SLC66A2: variants seen among roughly 807,000 people sequenced by gnomAD.
SLC66A2 encodes the protein PQ loop repeat containing 1.
In SLC66A2, 23 loss-of-function variants were observed where a neutral mutation model predicts 25.5. The observed-to-expected ratio is 0.90, with a 90% CI of 0.65 to 1.28. The LOEUF is 1.28. Among genes scored for constraint, SLC66A2 ranks in the 50% most tolerant of loss-of-function variants. The pLI, the probability that SLC66A2 is intolerant of heterozygous loss-of-function variation, is 0.00. For missense variants in SLC66A2, 396 were observed against 373.1 expected (o/e 1.06, Z -0.51); for synonymous variants, 193 against 166.5 (o/e 1.16, Z -1.23).
At chr18:79,930,560 CAT>C (rs1986467356) in intron 4 of SLC66A2, among the ~76,000 whole-genome samples, 2 of 152,320 alleles carry the variant, frequency 1.3e-5, no homozygotes, top group South Asian at 2.1e-4. Context: ...ATATCGGTCA[CAT>C]GTCTTCTCCT....
Position 79,902,477 on chromosome 18 carries a change from T to C in SLC66A2, c.*1499A>G, listed in dbSNP as rs1346651883. Reference sequence around the variant, plus strand: ...TCGCCACACAGGGTACATTCAGCAGTCACTGCGCCTGCAGTCGGCGACAGT... The same window carrying C: ...TCGCCACACAGGGTACATTCAGCAGCCACTGCGCCTGCAGTCGGCGACAGT... On this transcript the variant is annotated 3_prime_UTR_variant, in exon 6 of 6. Coordinates refer to ENST00000397778, the MANE Select transcript of SLC66A2 (RefSeq NM_025078.5). The C allele has an allele frequency of 6.6e-6, 1 of 152,260 alleles. No homozygotes were observed. The highest frequency in any genetic ancestry group is 6.5e-5 in the Admixed American group (1 of 15,284). 9.4% of individuals were successfully genotyped at this position (152,260 alleles called of 1,614,324 possible). A position where few individuals can be genotyped will look rare whatever the true frequency, so the allele number is the denominator to read the frequency against.
chr18:79,907,336 T>TTA (rs1982267271), intron 5 of SLC66A2, among the ~76,000 whole-genome samples: 1 of 135,478 alleles, frequency 7.4e-6, no homozygotes, highest in Non-Finnish European at 1.5e-5. Context: ...TTTGTATAGT[T>TTA]TTTTTTTTTT....
intron 4 of SLC66A2, among the ~76,000 whole-genome samples, chr18:79,924,600 ATCTC>A (rs991870703): frequency 6.6e-6 from 1 of 152,198 alleles, no homozygotes; most frequent in African/African-American, 2.4e-5. Context: ...TGTAAATTAT[ATCTC>A]TAATTTGAAT....
At chr18:79,946,722 CT>C (rs1359130493) in intron 2 of SLC66A2, among the ~76,000 whole-genome samples, 2 of 152,316 alleles carry the variant, frequency 1.3e-5, no homozygotes, top group East Asian at 1.9e-4. Flanking sequence ...AATCCCAGCA[CT>C]TTGGGAGGCC....
intron 5 of SLC66A2, among the ~76,000 whole-genome samples, chr18:79,908,802 T>C (rs920628043): frequency 3.3e-5 from 5 of 152,256 alleles, no homozygotes; most frequent in African/African-American, 1.2e-4. Flanking sequence ...AAATATATTA[T>C]TTAGATTATT....
chr18:79,947,629 T>G, intron 2 of SLC66A2, among the ~76,000 whole-genome samples: 1 of 49,358 alleles, frequency 2.0e-5, no homozygotes, highest in East Asian at 5.8e-4. Context: ...CACCGGAGCC[T>G]GCCCCCGCCC....
chr18:79,906,380 A>G (rs765563986), intron 5 of SLC66A2, among the ~76,000 whole-genome samples: 14 of 151,852 alleles, frequency 9.2e-5, no homozygotes, highest in Non-Finnish European at 1.5e-4. Flanking sequence ...TACACATTTA[A>G]CTCTAAGCAT....
chr18:79,950,171 C>T (rs1346439887), intron 2 of SLC66A2, among the ~76,000 whole-genome samples: 2 of 151,932 alleles, frequency 1.3e-5, no homozygotes, highest in Admixed American at 6.6e-5. Context: ...GTGAGACAAC[C>T]CCCCACTCCC....
chr18:79,913,897 C>T (rs1322610470), intron 5 of SLC66A2, among the ~76,000 whole-genome samples: 1 of 152,202 alleles, frequency 6.6e-6, no homozygotes, highest in East Asian at 1.9e-4. Flanking sequence ...CTCATGTCAC[C>T]ATTCGCCACC....
At chr18:79,951,058 C>T in intron 1 of SLC66A2, 33 bp from the exon 2 acceptor site, 1 of 607,610 alleles carries the variant, frequency 1.6e-6, no homozygotes, top group Middle Eastern at 5.0e-4. Context: ...CGAGTTCCGC[C>T]CAGGGAGGCT....
At chr18:79,912,219 CAG>C (rs1285680453) in intron 5 of SLC66A2, among the ~76,000 whole-genome samples, 5 of 109,632 alleles carry the variant, frequency 4.6e-5, no homozygotes, top group African/African-American at 1.2e-4. Context: ...AATTATGAAA[CAG>C]GGTCACATCC....
intron 5 of SLC66A2, among the ~76,000 whole-genome samples, chr18:79,908,080 AT>A (rs144054081): frequency 2.0e-4 from 31 of 152,228 alleles, no homozygotes; most frequent in African/African-American, 7.5e-4. Context: ...ACAATGTTAT[AT>A]TTTTTGCTAA....
rs772172475 is a variant in SLC66A2 at position 79,921,831 on chromosome 18, A to T, written c.392-2431T>A. ...GAACCGAGGGAGAGGTCAGGGTCAG[A>T]GGAGGAGAGACAGGAACCGAGGGAG... On this transcript the variant is annotated intron_variant, in intron 4 of 5. Transcript: ENST00000397778. Among the ~76,000 whole-genome samples the T allele has an allele frequency of 0.057, 520 of 9,186 alleles. 4 individuals carry two copies. The South Asian group carries it at 0.57, about 10-fold the overall frequency. 6.0% of individuals were successfully genotyped at this position (9,186 alleles called of 152,430 possible).
intron 2 of SLC66A2, chr18:79,944,566 C>T (rs941452374): frequency 6.6e-6 from 1 of 152,430 alleles, no homozygotes; most frequent in African/African-American, 2.4e-5. Flanking sequence ...AGAGCTGGGA[C>T]ACATGCCTGC....
intron 5 of SLC66A2, chr18:79,915,427 G>C (rs565139900): frequency 6.6e-6 from 1 of 152,286 alleles, no homozygotes; most frequent in South Asian, 2.1e-4. Flanking sequence ...GAGCCGACCC[G>C]ACGCTGCTGC....
chr18:79,948,880 A>T (rs949213808), intron 2 of SLC66A2, among the ~76,000 whole-genome samples: 1 of 152,214 alleles, frequency 6.6e-6, no homozygotes, highest in Admixed American at 6.5e-5. Context: ...ACATGCACTC[A>T]AAGTAAACAA....
chr18:79,940,507 A>G lies in SLC66A2; in HGVS notation c.337+2822T>C, dbSNP rs115516599. Reference sequence around the variant, plus strand: ...CTTAAAAGCTTAAAAAAAAAAACAGAACATGTTCAGAGCCAACAACCTTCC... The same window carrying G: ...CTTAAAAGCTTAAAAAAAAAAACAGGACATGTTCAGAGCCAACAACCTTCC... On this transcript the variant is annotated intron_variant, in intron 3 of 5. Transcript: ENST00000397778. This position sits in a 1 kb window ranked among gnomAD's most constrained non-coding sequence, Gnocchi z 4.1. 6.7e-3 allele frequency among the ~76,000 whole-genome samples: 1,022 copies of G among 151,926 alleles called. 21 individuals are homozygous for G. Among genetic ancestry groups the G allele is most frequent in the African/African-American group, 0.023 (973 of 41,460 alleles).
At position 79,918,471 on chromosome 18, in the gene SLC66A2, G is replaced by A. The variant is rs1324224070; in HGVS notation, c.608+713C>T. ...GGCACCGGGGAGGGTCCCCAGTGAG[G>A]AGCGGCACCGGGGGGTCCCCAGTGA... On this transcript the variant is annotated intron_variant, in intron 5 of 5. Coordinates refer to ENST00000397778, the MANE Select transcript of SLC66A2 (RefSeq NM_025078.5). The surrounding 1 kb of genome is among the most constrained non-coding windows in gnomAD (Gnocchi z 4.0). Among the ~76,000 whole-genome samples, 7 of 151,410 alleles carry A rather than the reference G, an allele frequency of 4.6e-5. No individual in the cohort carries two copies. In the Admixed American group the frequency reaches 4.6e-4, roughly 10 times the overall value.
At chr18:79,950,027 T>A (rs975494501) in intron 2 of SLC66A2, among the ~76,000 whole-genome samples, 1 of 151,960 alleles carries the variant, frequency 6.6e-6, no homozygotes, top group Non-Finnish European at 1.5e-5. Context: ...CAAGACAGTC[T>A]CCAGAGAGAG....
Sources: allele counts gnomAD v4.1 joint callset (sites outside exome capture counted in the v4.1 genomes callset), GRCh38; gene constraint gnomAD v4.1.1; non-coding constraint Gnocchi (gnomAD v3.1); transcripts MANE v1.5; gene names NCBI Gene and HGNC (gene_info 2026-07-23, HGNC 2026-07-21).